The following ZFYVE26 variants were observed in gnomAD, a reference collection of about 807,000 sequenced individuals.
ZFYVE26 encodes the protein zinc finger FYVE-type containing 26, also known as zinc finger FYVE domain-containing protein 26.
A neutral mutation model predicts 276.5 loss-of-function variants in ZFYVE26; 181 were observed. That is an observed-to-expected ratio of 0.65 (90% CI 0.58 to 0.74). The LOEUF (loss-of-function observed/expected upper bound fraction) is 0.74, where lower values mean the gene tolerates loss of function less well. Ranked by LOEUF, ZFYVE26 falls within the 30% of genes least tolerant of loss-of-function variation. The pLI is 0.00. For missense variants in ZFYVE26, 2,821 were observed against 3,097.9 expected (o/e 0.91, Z 2.12); for synonymous variants, 1,129 against 1,203.1 (o/e 0.94, Z 1.27).
intron 13 of ZFYVE26, among the ~76,000 whole-genome samples, chr14:67,738,838 G>A (rs2038382384): frequency 6.6e-6 from 1 of 152,156 alleles, no homozygotes; most frequent in South Asian, 2.1e-4. Context: ...TTGTTCCAGT[G>A]TCTACCTCTG....
At chr14:67,808,617 T>C (rs2040232429) in intron 4 of ZFYVE26, among the ~76,000 whole-genome samples, 1 of 152,004 alleles carries the variant, frequency 6.6e-6, no homozygotes, top group Non-Finnish European at 1.5e-5. Flanking sequence ...TGCCTATAGA[T>C]GGTACTCGAT....
chr14:67,778,092 C>A lies in ZFYVE26; in HGVS notation c.4797+34G>T, dbSNP rs751440238. ...GATTTGACTAAACTTCTTGTCCCAC[C>A]CCAGAAGAAAAATGGAAAGAACTGG... On this transcript the variant is annotated intron_variant, in intron 24 of 41. Coordinates refer to ENST00000347230, the MANE Select transcript of ZFYVE26 (RefSeq NM_015346.4). 6 of 1,613,800 alleles carry A rather than the reference C, an allele frequency of 3.7e-6. No individual in the cohort carries two copies. The African/African-American group carries it at 8.0e-5, about 22-fold the overall frequency.
Position 67,805,541 on chromosome 14 carries a change from G to A in ZFYVE26, c.1095C>T (p.Leu365=). ...GCLLDREFRP[L]SCLLVLLGWT... Reference sequence around the variant, plus strand: ...AGCCCAGGAGTACAAGCAGGCAACTGAGGGGCCTGAATTCTCTATCAAGTA... The same window carrying A: ...AGCCCAGGAGTACAAGCAGGCAACTAAGGGGCCTGAATTCTCTATCAAGTA... The change falls in exon 7 of 42, where the codon CTC becomes CTT. Residue 365 remains leucine, a synonymous_variant. Coordinates refer to ENST00000347230, the MANE Select transcript of ZFYVE26 (RefSeq NM_015346.4). The A allele has an allele frequency of 6.2e-7, 1 of 1,614,232 alleles. No homozygotes were observed. The highest frequency in any genetic ancestry group is 8.5e-7 in the Non-Finnish European group (1 of 1,180,034).
intron 39 of ZFYVE26, among the ~76,000 whole-genome samples, chr14:67,753,074 T>A (rs1402822472): frequency 6.6e-6 from 1 of 152,122 alleles, no homozygotes; most frequent in Non-Finnish European, 1.5e-5. Context: ...CAAAAACAGA[T>A]GGGAAGAAAA....
intron 10 of ZFYVE26, 35 bp from the exon 11 acceptor site, chr14:67,798,657 AAG>A (rs1332634902): frequency 6.2e-7 from 1 of 1,612,968 alleles, no homozygotes; most frequent in Non-Finnish European, 8.5e-7. Context: ...AGGCCAGAGA[AAG>A]AGAAGACAGA....
Position 67,798,921 on chromosome 14 carries a change from C to G in ZFYVE26, c.1640-299G>C, listed in dbSNP as rs2040020208. ...CCGCCCCCGGGGAGGGCGCTGAGCT[C>G]CGCTTGGCGCCTCTGATCTTTATTT... On this transcript the variant is annotated intron_variant, in intron 10 of 41. Coordinates refer to ENST00000347230, the MANE Select transcript of ZFYVE26 (RefSeq NM_015346.4). The G allele has an allele frequency of 4.8e-6, 5 of 1,035,472 alleles. No individual in the cohort carries two copies. The Admixed American group carries it at 9.7e-5, about 20-fold the overall frequency. 64.1% of individuals were successfully genotyped at this position (1,035,472 alleles called of 1,614,324 possible).
At chr14:67,808,921 C>T (rs530892436) in intron 4 of ZFYVE26, among the ~76,000 whole-genome samples, 2 of 152,154 alleles carry the variant, frequency 1.3e-5, no homozygotes, top group Admixed American at 6.5e-5. Flanking sequence ...AGATAGTCAA[C>T]GAATACTAGT....
chr14:67,752,618 G>T, intron 39 of ZFYVE26, 92 bp from the exon 40 acceptor site: 1 of 1,335,214 alleles, frequency 7.5e-7, no homozygotes, highest in Non-Finnish European at 1.1e-6. Flanking sequence ...TATGCTTGGT[G>T]TAGATAAGCC....
intron 14 of ZFYVE26, among the ~76,000 whole-genome samples, chr14:67,793,075 C>G (rs28556682): frequency 0.039 from 6,001 of 152,090 alleles, 380 homozygotes; most frequent in African/African-American, 0.13. Flanking sequence ...GCCTGGCCAA[C>G]ATGGCAAAAC....
chr14:67,761,067 C>T, intron 35 of ZFYVE26: 1 of 609,782 alleles, frequency 1.6e-6, no homozygotes, highest in Non-Finnish European at 2.9e-6. Context: ...TCACACTGAG[C>T]ATCTCATTCC....
chr14:67,749,295 C>T (rs574347051), intron 41 of ZFYVE26, among the ~76,000 whole-genome samples: 31 of 152,114 alleles, frequency 2.0e-4, no homozygotes, highest in Non-Finnish European at 2.9e-4. Flanking sequence ...CACACACACA[C>T]GATTGGAAAA....
In ZFYVE26 at chr14:67,789,553, T is replaced by A. The variant is rs776133422; in HGVS notation, c.2801A>T (p.Asn934Ile). 3.1e-6 allele frequency: 5 copies of A among 1,614,010 alleles called. No individual in the cohort carries two copies. The highest frequency in any genetic ancestry group is 1.6e-4 in the Middle Eastern group (1 of 6,084). ...CATGGGGATGGGGTCTCCAGAGGTG[T>A]TGAGCAGCTTGTCAGTCACGTCAGA... ...SISDVTDKLLNTSGDPIPMLQ... is the reference protein window; with the variant it reads ...SISDVTDKLLITSGDPIPMLQ... Residue 934 changes from asparagine to isoleucine, a missense_variant, in exon 16 of 42, where the codon AAC (asparagine) becomes ATC (isoleucine). Coordinates refer to ENST00000347230, the MANE Select transcript of ZFYVE26 (RefSeq NM_015346.4).
At chr14:67,755,310 T>C in intron 36 of ZFYVE26, 60 bp from the exon 37 acceptor site, 2 of 1,584,014 alleles carry the variant, frequency 1.3e-6, no homozygotes, top group Non-Finnish European at 1.7e-6. Context: ...GGGTGGGGTG[T>C]GATGAGAATT....
rs745789683 is a variant in ZFYVE26, at chr14:67,761,536, G to A, written c.6418C>T (p.Arg2140Trp). The change falls in exon 35 of 42, where the codon CGG (arginine) becomes TGG (tryptophan). Residue 2140 changes from arginine (R) to tryptophan (W), a missense_variant. Coordinates refer to ENST00000347230, the MANE Select transcript of ZFYVE26 (RefSeq NM_015346.4). ...ATLRELEATL[R>W]TQSLSLAVIP... ...ACTGCCAGAGAAAGGCTCTGCGTCC[G>A]AAGGGTAGCTTCCAGTTCCCTCAGG... 5.0e-6 allele frequency: 8 copies of A among 1,614,064 alleles called. No homozygotes were observed. Among genetic ancestry groups the A allele is most frequent in the East Asian group, 2.2e-5 (1 of 44,900 alleles).
intron 3 of ZFYVE26, among the ~76,000 whole-genome samples, chr14:67,810,269 G>C (rs1566899905): frequency 6.6e-6 from 1 of 152,166 alleles, no homozygotes; most frequent in East Asian, 1.9e-4. Context: ...CCAGTTGTGG[G>C]TAAGCCTGGG....
intron 35 of ZFYVE26, among the ~76,000 whole-genome samples, chr14:67,759,570 G>A (rs1380901505): frequency 7.1e-6 from 1 of 141,224 alleles, no homozygotes. Context: ...GTTGTAGTGA[G>A]CTGAGATCTC....
intron 25 of ZFYVE26, 60 bp from the exon 26 acceptor site, chr14:67,776,166 C>A: frequency 6.2e-7 from 1 of 1,610,636 alleles, no homozygotes; most frequent in South Asian, 1.1e-5. Flanking sequence ...AGAAAAAACT[C>A]AAGATTCTCA....
chr14:67,763,273 A>G (rs765509845), intron 32 of ZFYVE26, among the ~76,000 whole-genome samples: 2 of 152,174 alleles, frequency 1.3e-5, no homozygotes, highest in Non-Finnish European at 2.9e-5. Flanking sequence ...GTCACACTGA[A>G]TTATGGCTCT....
chr14:67,814,963 T>A (rs2040372753), intron 2 of ZFYVE26, among the ~76,000 whole-genome samples: 1 of 152,194 alleles, frequency 6.6e-6, no homozygotes, highest in South Asian at 2.1e-4. Flanking sequence ...TACATTTGAC[T>A]CCTACATCAC....
Sources: gnomAD v4.1 joint callset for allele counts (sites outside exome capture counted in the v4.1 genomes callset) on GRCh38, gnomAD v4.1.1 for gene constraint, MANE v1.5 for transcripts, NCBI Gene and HGNC (gene_info 2026-07-23, HGNC 2026-07-21) for gene names.